The following ABHD2 variants were observed in gnomAD, a reference collection of about 807,000 sequenced individuals.
ABHD2 encodes abhydrolase domain containing 2, acylglycerol lipase.
In ABHD2, 20 loss-of-function variants were observed where a neutral mutation model predicts 48.1. The observed-to-expected ratio is 0.42, with a 90% CI of 0.29 to 0.60. The LOEUF (loss-of-function observed/expected upper bound fraction) is 0.60. Among genes scored for constraint, ABHD2 ranks in the 20% least tolerant of loss-of-function variants. ABHD2 has a pLI of 0.24. For missense variants in ABHD2, 405 were observed against 550.9 expected, an observed-to-expected ratio of 0.74 and a Z score of 2.65; for synonymous variants, 209 against 214.2, an observed-to-expected ratio of 0.98 and a Z score of 0.21.
chr15:89,110,935 C>T (rs920621282), intron 1 of ABHD2, among the ~76,000 whole-genome samples: 1 of 152,206 alleles, frequency 6.6e-6, no homozygotes, highest in Admixed American at 6.6e-5. Context: ...TTAAATAATT[C>T]TGTGCCAGAT....
upstream of ABHD2, among the ~76,000 whole-genome samples, chr15:89,084,821 C>A (rs1901327980): frequency 6.6e-6 from 1 of 152,128 alleles, no homozygotes; most frequent in South Asian, 2.1e-4. This position sits in a 1 kb window ranked among gnomAD's most constrained non-coding sequence, Gnocchi z 4.4. Context: ...ATCTGCCACT[C>A]AAAGGACCCC....
intron 8 of ABHD2, among the ~76,000 whole-genome samples, chr15:89,190,306 A>G (rs951024158): frequency 3.3e-5 from 5 of 152,234 alleles, no homozygotes; most frequent in Non-Finnish European, 1.5e-5. Context: ...AGCACGGAGC[A>G]GAGCAGAGCA....
chr15:89,046,239 G>A, the ABHD2 span, among the ~76,000 whole-genome samples: 1 of 152,190 alleles, frequency 6.6e-6, no homozygotes, highest in Non-Finnish European at 1.5e-5. Context: ...GCATCCCAGG[G>A]ATGAAGTCCA....
At chr15:89,154,792 A>T (rs533190058) in intron 4 of ABHD2, among the ~76,000 whole-genome samples, 2 of 152,366 alleles carry the variant, frequency 1.3e-5, no homozygotes, top group South Asian at 4.1e-4. Flanking sequence ...ATTTCTGGGC[A>T]TTTAGATTGT....
the ABHD2 span, among the ~76,000 whole-genome samples, chr15:89,052,828 T>C: frequency 5.9e-5 from 9 of 152,102 alleles, no homozygotes; most frequent in Non-Finnish European, 1.0e-4. Flanking sequence ...TGGCGCCCCT[T>C]CCCTGAGGGG....
In ABHD2 at chr15:89,186,748, A is replaced by G. The variant is rs2051217224; in HGVS notation, c.815+1232A>G. Among the ~76,000 whole-genome samples, 1 of 152,172 alleles carries G rather than the reference A, an allele frequency of 6.6e-6. No individual in the cohort carries two copies. Among genetic ancestry groups the G allele is most frequent in the Non-Finnish European group, 1.5e-5 (1 of 68,020 alleles). ...CAAAAAAATTTGGGGGATTTTTGGT[A>G]TCACCCTAGAAAAAGCAATCTGACT... On this transcript the variant is annotated intron_variant, in intron 7 of 10. Coordinates refer to ENST00000352732, the MANE Select transcript of ABHD2 (RefSeq NM_152924.5). The surrounding 1 kb of genome is among the most constrained non-coding windows in gnomAD (Gnocchi z 4.3).
chr15:89,101,824 C>A (rs1334890010), intron 1 of ABHD2, among the ~76,000 whole-genome samples: 1 of 152,128 alleles, frequency 6.6e-6, no homozygotes, highest in Non-Finnish European at 1.5e-5. Flanking sequence ...TAGTTAGATG[C>A]CATCAAGGGC....
chr15:89,156,019 G>A (rs1198001221), intron 5 of ABHD2, among the ~76,000 whole-genome samples: 3 of 152,102 alleles, frequency 2.0e-5, no homozygotes, highest in African/African-American at 4.8e-5. Flanking sequence ...GTCTTTCGAC[G>A]AATGCTTCTT....
At chr15:89,109,182 A>G (rs28458919) in intron 1 of ABHD2, among the ~76,000 whole-genome samples, 6,258 of 152,268 alleles carry the variant, frequency 0.041, 433 homozygotes, top group African/African-American at 0.14. Flanking sequence ...AGAAAGAGGC[A>G]TGGGAGACAC....
Position 89,175,759 on chromosome 15 carries a change from T to C in ABHD2, c.539-53T>C. On this transcript the variant is annotated intron_variant, in intron 5 of 10. Transcript: ENST00000352732. The surrounding 1 kb of genome is among the most constrained non-coding windows in gnomAD (Gnocchi z 5.7). ...TAGTAACGTTCCAGCTTGCATTTTC[T>C]CCAGATAGGATGCACCTGAAATGAT... The C allele has an allele frequency of 6.2e-7, 1 of 1,603,414 alleles. No homozygotes were observed. Among genetic ancestry groups the C allele is most frequent in the Non-Finnish European group, 8.5e-7 (1 of 1,172,960 alleles).
chr15:89,106,116 C>A lies in ABHD2; in HGVS notation c.-106-7609C>A, dbSNP rs1349553743. ...ATCACCTGAGGTCAGGAGTTCGAGACCAGCCTGGCTAACATGGTGAAACCC... is the reference window on the plus strand; with the variant it reads ...ATCACCTGAGGTCAGGAGTTCGAGAACAGCCTGGCTAACATGGTGAAACCC... On this transcript the variant is annotated intron_variant, in intron 1 of 10. Transcript: ENST00000352732. The surrounding 1 kb of genome is among the most constrained non-coding windows in gnomAD (Gnocchi z 4.2). Among the ~76,000 whole-genome samples, 4 of 152,134 alleles carry A rather than the reference C, an allele frequency of 2.6e-5. No individual in the cohort carries two copies. Among genetic ancestry groups the A allele is most frequent in the Non-Finnish European group, 5.9e-5 (4 of 68,022 alleles).
chr15:89,069,445 G>T, the ABHD2 span, among the ~76,000 whole-genome samples: 3 of 151,840 alleles, frequency 2.0e-5, no homozygotes, highest in Non-Finnish European at 4.4e-5. Flanking sequence ...TCACACACAA[G>T]ACAGTAAATA....
At chr15:89,172,481 G>A (rs1328465680) in intron 5 of ABHD2, among the ~76,000 whole-genome samples, 7 of 152,148 alleles carry the variant, frequency 4.6e-5, no homozygotes, top group African/African-American at 1.7e-4. Flanking sequence ...GAATAATATT[G>A]CATTGTACAC....
chr15:89,105,077 A>G (rs1482526675), intron 1 of ABHD2, among the ~76,000 whole-genome samples: 1 of 152,236 alleles, frequency 6.6e-6, no homozygotes, highest in Non-Finnish European at 1.5e-5. Context: ...GTTCTCAGGT[A>G]TGGATTCATG....
At chr15:89,131,791 T>C (rs2050223480) in intron 3 of ABHD2, among the ~76,000 whole-genome samples, 3 of 152,154 alleles carry the variant, frequency 2.0e-5, no homozygotes, top group Non-Finnish European at 1.5e-5. Flanking sequence ...TTGAAAAGAA[T>C]GGGCGAGGGG....
At chr15:89,162,546 G>A (rs571254739) in intron 5 of ABHD2, among the ~76,000 whole-genome samples, 2 of 152,174 alleles carry the variant, frequency 1.3e-5, no homozygotes, top group Non-Finnish European at 1.5e-5. Context: ...CTGAACTCCA[G>A]TGCCTGCTAA....
At position 89,201,215 on chromosome 15, in the gene ABHD2, CT is replaced by C; in HGVS notation, c.*5794del. On this transcript the variant is annotated 3_prime_UTR_variant, in exon 11 of 11. Transcript: ENST00000352732. The stretch of plus-strand genomic sequence containing the variant: ...ATCCGAATATGCTACCTTTCTGAGC[CT>C]TAAACCTTCATCTCTCAGGTGTTGA... 1 of 1,472,708 alleles carries C rather than the reference CT, an allele frequency of 6.8e-7. No homozygotes were observed. The highest frequency in any genetic ancestry group is 9.4e-7 in the Non-Finnish European group (1 of 1,058,426). The allele number at this position is 1,472,708 out of a possible 1,614,324, so 91.2% of individuals were successfully genotyped here.
At chr15:89,122,768 G>T (rs982016902) in intron 3 of ABHD2, among the ~76,000 whole-genome samples, 1 of 152,214 alleles carries the variant, frequency 6.6e-6, no homozygotes, top group Non-Finnish European at 1.5e-5. Flanking sequence ...TGTACATACT[G>T]CCCTGTGGGA....
chr15:89,176,859 A>G lies in ABHD2; in HGVS notation c.722+864A>G, dbSNP rs186747263. On this transcript the variant is annotated intron_variant, in intron 6 of 10. Transcript: ENST00000352732. This position sits in a 1 kb window ranked among gnomAD's most constrained non-coding sequence, Gnocchi z 4.5. ...AACACCTCCCTATTGATCCAGTCTA[A>G]TGCCAAACAGTCCTTATCGTTATTC... is the stretch of plus-strand genomic sequence containing the variant. Among the ~76,000 whole-genome samples, 15 of 152,362 alleles carry G rather than the reference A, an allele frequency of 9.8e-5. No individual in the cohort carries two copies. The highest frequency in any genetic ancestry group is 3.6e-4 in the African/African-American group (15 of 41,580).
Sources: allele counts gnomAD v4.1 joint callset (sites outside exome capture counted in the v4.1 genomes callset), GRCh38; gene constraint gnomAD v4.1.1; non-coding constraint Gnocchi (gnomAD v3.1); transcripts MANE v1.5; gene names NCBI Gene and HGNC (gene_info 2026-07-23, HGNC 2026-07-21).